Variants in TTN observed in about 807,000 individuals in gnomAD.
The protein encoded by TTN is titin, also known as connectin.
A neutral mutation model predicts 3,223.0 loss-of-function variants in TTN; 1,525 were observed. The observed-to-expected ratio is 0.47, with a 90% CI of 0.45 to 0.49. The LOEUF (loss-of-function observed/expected upper bound fraction) is 0.49, where lower values mean the gene tolerates loss of function less well. Ranked by LOEUF, TTN falls within the 20% of genes least tolerant of loss-of-function variation. TTN has a pLI of 0.00. For synonymous variants in TTN, 14,094 were observed against 15,161.0 expected, an observed-to-expected ratio of 0.93 and a Z score of 5.17; for missense variants, 40,786 against 43,424.0, an observed-to-expected ratio of 0.94 and a Z score of 5.40.
rs757333745 is a variant in TTN at position 178,546,224 on chromosome 2, C to G, written c.95107G>C (p.Val31703Leu). ...TTGACATGCTTACCAAGCACTTTGA[C>G]CATGACAGACACGGCCTTGGTCCCG... Reference protein sequence around the residue: ...ASGTKAVSVMVKVLDSPGPCG... With the variant: ...ASGTKAVSVMLKVLDSPGPCG... The change falls in exon 342 of 363, where the codon GTC (valine) becomes CTC (leucine). Residue 31703 changes from valine to leucine, a missense_variant. By Grantham distance (32) the Val-to-Leu change is conservative. Transcript: ENST00000589042. 6 of 1,609,924 alleles carry G rather than the reference C, an allele frequency of 3.7e-6. No individual in the cohort carries two copies. Among genetic ancestry groups the G allele is most frequent in the Non-Finnish European group, 5.1e-6 (6 of 1,177,136 alleles).
chr2:178,673,200 A>C (rs1373322557), intron 152 of TTN, among the ~76,000 whole-genome samples: 1 of 151,826 alleles, frequency 6.6e-6, no homozygotes, highest in Non-Finnish European at 1.5e-5. Context: ...TGCTTGGGCT[A>C]AACATTACAA....
Position 178,624,675 on chromosome 2 carries a change from T to A in TTN, c.44605A>T (p.Thr14869Ser). ...LEDQTVEEGA[T>S]AVLECEVSRE... ...GAGACTTCACACTCCAGCACTGCAG[T>A]GGCTCCCTCTTCGACCGTCTGGTCC... The change falls in exon 242 of 363, where the codon ACT (threonine) becomes TCT (serine). Residue 14869 changes from threonine (T) to serine (S), a missense_variant. By Grantham distance (58) the Thr-to-Ser change is moderately conservative. Coordinates refer to ENST00000589042, the MANE Select transcript of TTN (RefSeq NM_001267550.2). 6.2e-7 allele frequency: 1 copy of A among 1,612,432 alleles called. No individual in the cohort carries two copies. The highest frequency in any genetic ancestry group is 8.5e-7 in the Non-Finnish European group (1 of 1,178,996).
chr2:178,592,307 G>T (rs1559601625), intron 301 of TTN, 30 bp from the exon 302 acceptor site: 2 of 1,601,922 alleles, frequency 1.2e-6, no homozygotes, highest in Non-Finnish European at 1.7e-6. Context: ...AGTTTGATAA[G>T]TAATTTTATC....
At chr2:178,746,104 C>T in intron 47 of TTN, 1 of 1,613,468 alleles carries the variant, frequency 6.2e-7, no homozygotes. Context: ...GACTTCCCTT[C>T]TCCTCGCTAA....
chr2:178,546,877 A>G lies in TTN; in HGVS notation c.94551T>C (p.Asp31517=). Residue 31517 remains aspartate, a synonymous_variant, in exon 341 of 363, where the codon GAT becomes GAC. Coordinates refer to ENST00000589042, the MANE Select transcript of TTN (RefSeq NM_001267550.2). The part of the protein sequence containing the change: ...VDAPGRPEVT[D]VTRSTVSLIW... ...TCAGTGATACTGTTGATCTTGTGACATCTGTCACCTCTGGTCTGCCTGGTG... is the reference window on the plus strand; with the variant it reads ...TCAGTGATACTGTTGATCTTGTGACGTCTGTCACCTCTGGTCTGCCTGGTG... 1 of 1,594,862 alleles carries G rather than the reference A, an allele frequency of 6.3e-7. No individual in the cohort carries two copies. Among genetic ancestry groups the G allele is most frequent in the Non-Finnish European group, 8.6e-7 (1 of 1,167,232 alleles).
intron 7 of TTN, 79 bp downstream of exon 7, chr2:178,794,843 A>G: frequency 1.3e-6 from 2 of 1,555,336 alleles, no homozygotes; most frequent in South Asian, 1.1e-5. Context: ...CAATTTATAC[A>G]GACTGAGTTT....
rs755962102 is a variant in TTN at position 178,777,513 on chromosome 2, C to T, written c.4552G>A (p.Val1518Ile). The change falls in exon 26 of 363, where the codon GTC becomes ATC. Residue 1518 changes from valine to isoleucine, a missense_variant. Coordinates refer to ENST00000589042, the MANE Select transcript of TTN (RefSeq NM_001267550.2). The stretch of plus-strand genomic sequence containing the variant: ...CCAGAATCACTGGGTGTGGCAGGGA[C>T]AATAATTAGTGATTGAGTACCATCT... ...KEDGTQSLII[V>I]PATPSDSGEW... The T allele has an allele frequency of 3.1e-6, 5 of 1,613,686 alleles. No homozygotes were observed. The highest frequency in any genetic ancestry group is 4.2e-6 in the Non-Finnish European group (5 of 1,179,932).
chr2:178,719,547 T>C lies in TTN; in HGVS notation c.23938+7A>G, dbSNP rs2078024766. 1.3e-6 allele frequency: 2 copies of C among 1,597,950 alleles called. No homozygotes were observed. Among genetic ancestry groups the C allele is most frequent in the African/African-American group, 1.3e-5 (1 of 74,618 alleles). On this transcript the variant is annotated splice_region_variant and intron_variant, in intron 82 of 362. Transcript: ENST00000589042. ...TTGTATATTCATAAAAATCTCATTC[T>C]ACTCACCAGAAACATGGACGGATAC...
chr2:178,596,031 C>T (rs1268802172), intron 294 of TTN, among the ~76,000 whole-genome samples: 1 of 144,626 alleles, frequency 6.9e-6, no homozygotes, highest in Non-Finnish European at 1.5e-5. Flanking sequence ...CGCTCTGTCA[C>T]CCAGGCTGGA....
chr2:178,665,510 C>T (rs1380274845), intron 164 of TTN, 50 bp from the exon 165 acceptor site: 3 of 1,578,230 alleles, frequency 1.9e-6, no homozygotes, highest in South Asian at 1.1e-5. Context: ...TCAGTGGAGA[C>T]ATTAATTAAA....
In TTN at chr2:178,601,403, C is replaced by G. The variant is rs773425209; in HGVS notation, c.55594G>C (p.Asp18532His). ...DGKAWTKVNP[D>H]CGSTTFVVPD... ...ACTACAAATGTGGTGCTTCCACAGT[C>G]TGGATTGACTTTGGTCCAGGCTTTT... The change falls in exon 287 of 363, where the codon GAC becomes CAC. Residue 18532 changes from aspartate (D) to histidine (H), a missense_variant. Physicochemically the swap from Asp to His is moderately conservative, Grantham distance 81 (BLOSUM62 -1). Transcript: ENST00000589042. 1 of 1,612,746 alleles carries G rather than the reference C, an allele frequency of 6.2e-7. No individual in the cohort carries two copies. The highest frequency in any genetic ancestry group is 2.2e-5 in the East Asian group (1 of 44,636).
At position 178,609,190 on chromosome 2, in the gene TTN, G is replaced by A. The variant is rs762800293; in HGVS notation, c.52102+18C>T. On this transcript the variant is annotated intron_variant, in intron 273 of 362. Transcript: ENST00000589042. ...CTAAAACCTTTTTCCATTGGAAAGT[G>A]TAGTTTTAATGACTCACCTAACACA... The A allele has an allele frequency of 1.3e-6, 2 of 1,483,272 alleles. No homozygotes were observed. The highest frequency in any genetic ancestry group is 1.8e-6 in the Non-Finnish European group (2 of 1,122,348). 91.9% of individuals were successfully genotyped at this position (1,483,272 alleles called of 1,614,324 possible).
Position 178,740,866 on chromosome 2 carries a change from G to A in TTN, c.12367C>T (p.Leu4123Phe), listed in dbSNP as rs1264424953. Residue 4123 changes from leucine (L) to phenylalanine (F), a missense_variant, in exon 48 of 363, where the codon CTC (leucine) becomes TTC (phenylalanine). Physicochemically the swap from Leu to Phe is conservative, Grantham distance 22. Transcript: ENST00000589042. ...AATTCCCTGGTGCTTTCAGGAGTGAGCTTGTCTTGCTCCAAAATGGATTGC... is the reference window on the plus strand; with the variant it reads ...AATTCCCTGGTGCTTTCAGGAGTGAACTTGTCTTGCTCCAAAATGGATTGC... ...ELQSILEQDK[L>F]TPESTREFLC... The A allele has an allele frequency of 6.2e-7, 1 of 1,613,896 alleles. No homozygotes were observed. The highest frequency in any genetic ancestry group is 8.5e-7 in the Non-Finnish European group (1 of 1,179,816).
chr2:178,632,767 A>C lies in TTN; in HGVS notation c.43239T>G (p.Pro14413=). 6.2e-7 allele frequency: 1 copy of C among 1,613,030 alleles called. No homozygotes were observed. Among genetic ancestry groups the C allele is most frequent in the Non-Finnish European group, 8.5e-7 (1 of 1,179,496 alleles). ...VKELPLIFIT[P]LSDVKVFEKD... ...TCTCGAAGACTTTAACATCACTGAG[A>C]GGTGTGATGAAGATAAGAGGCAATT... is the stretch of plus-strand genomic sequence containing the variant. The change falls in exon 235 of 363, where the codon CCT becomes CCG. Residue 14413 remains proline, a synonymous_variant. Coordinates refer to ENST00000589042, the MANE Select transcript of TTN (RefSeq NM_001267550.2).
At position 178,598,734 on chromosome 2, in the gene TTN, G is replaced by C. The variant is rs770180514; in HGVS notation, c.56962+14C>G. ...AAATAAGATTTAAAAAAAAGGAATG[G>C]TTTCCAGGCTTACCAATTGGATCTC... On this transcript the variant is annotated intron_variant, in intron 291 of 362. Coordinates refer to ENST00000589042, the MANE Select transcript of TTN (RefSeq NM_001267550.2). 1.9e-6 allele frequency: 3 copies of C among 1,608,402 alleles called. No homozygotes were observed. Among genetic ancestry groups the C allele is most frequent in the Non-Finnish European group, 2.5e-6 (3 of 1,178,404 alleles).
intron 127 of TTN, 23 bp downstream of exon 127, chr2:178,688,088 T>C: frequency 6.3e-7 from 1 of 1,599,312 alleles, no homozygotes; most frequent in African/African-American, 1.3e-5. Context: ...CCAGATCATC[T>C]CTAGCTTATT....
At chr2:178,687,858 A>C (rs2288564) in intron 127 of TTN, among the ~76,000 whole-genome samples, 1,705 of 152,276 alleles carry the variant, frequency 0.011, 103 homozygotes, top group Admixed American at 0.091. Flanking sequence ...AATTATATAT[A>C]AATATGAAGC....
intron 346 of TTN, 62 bp from the exon 347 acceptor site, chr2:178,543,724 G>A (rs1695696674): frequency 6.6e-7 from 1 of 1,516,542 alleles, no homozygotes; most frequent in Non-Finnish European, 8.8e-7. Context: ...TTTTCTTGGG[G>A]AAATATAATC....
chr2:178,651,960 C>A lies in TTN; in HGVS notation c.39303G>T (p.Glu13101Asp), dbSNP rs539338428. 1.1e-5 allele frequency: 18 copies of A among 1,610,518 alleles called. No individual in the cohort carries two copies. In the South Asian group the frequency reaches 1.5e-4, roughly 14 times the overall value. Residue 13101 changes from glutamate to aspartate, a missense_variant, in exon 205 of 363, where the codon GAG becomes GAT. Transcript: ENST00000589042. The part of the protein sequence containing the change: ...KPESPPPEVF[E>D]EPEEVALEEP... The stretch of plus-strand genomic sequence containing the variant: ...CTTCTAGGGCAACTTCCTCAGGCTC[C>A]TCGAACACTTTAAAGACATGAGCTC...
Sources: allele counts gnomAD v4.1 joint callset (sites outside exome capture counted in the v4.1 genomes callset), GRCh38; gene constraint gnomAD v4.1.1; transcripts MANE v1.5; gene names NCBI Gene and HGNC (gene_info 2026-07-23, HGNC 2026-07-21).